The following TOX2 variants were observed in gnomAD, a reference collection of about 807,000 sequenced individuals.
The protein encoded by TOX2 is granulosa cell HMG box 1.
TOX2 carries 15 observed loss-of-function variants against 47.4 expected under a neutral mutation model. The ratio of observed to expected loss-of-function variants is 0.32; its 90% CI spans 0.21 to 0.49. TOX2 has a LOEUF of 0.49. TOX2 is among the 20% of genes least tolerant of loss of function. The pLI, the probability that TOX2 is intolerant of heterozygous loss-of-function variation, is 0.99. For missense variants in TOX2, 622 were observed against 673.1 expected, an observed-to-expected ratio of 0.92 and a Z score of 0.84; for synonymous variants, 290 against 296.6, an observed-to-expected ratio of 0.98 and a Z score of 0.23.
intron 3 of TOX2, among the ~76,000 whole-genome samples, chr20:44,049,702 C>G (rs1270814290): frequency 6.6e-6 from 1 of 152,168 alleles, no homozygotes; most frequent in East Asian, 1.9e-4. Context: ...TCTAAGCGTT[C>G]ACATTGTTCG....
chr20:44,026,250 G>GATATATATATATATATATAT (rs1358438826), intron 3 of TOX2, among the ~76,000 whole-genome samples: 1 of 82,952 alleles, frequency 1.2e-5, no homozygotes, highest in African/African-American at 5.4e-5. Context: ...TATATATATA[G>GATATATATATATATATATAT]ACACACACAC....
chr20:44,023,696 C>T (rs78210633), intron 3 of TOX2, among the ~76,000 whole-genome samples: 3 of 152,302 alleles, frequency 2.0e-5, no homozygotes, highest in East Asian at 1.9e-4. Flanking sequence ...CTCAGGGAGC[C>T]GAGGAGCTGC....
Position 44,066,011 on chromosome 20 carries a change from T to A in TOX2, c.1260T>A (p.Pro420=). 2 of 1,612,054 alleles carry A rather than the reference T, an allele frequency of 1.2e-6. No homozygotes were observed. The highest frequency in any genetic ancestry group is 1.7e-6 in the Non-Finnish European group (2 of 1,179,570). Residue 420 remains proline (P), a synonymous_variant, in exon 7 of 9, where the codon CCT becomes CCA. Transcript: ENST00000341197. The stretch of plus-strand genomic sequence containing the variant: ...CCCAGGGCGCCCTCCTCAGTCCACC[T>A]GTTAGCATGTCCCCAGCCCCCCAGC... ...PHAQGALLSP[P]VSMSPAPQPP...
intron 5 of TOX2, among the ~76,000 whole-genome samples, chr20:44,059,212 G>A (rs1173366304): frequency 6.6e-6 from 1 of 152,178 alleles, no homozygotes; most frequent in Non-Finnish European, 1.5e-5. Flanking sequence ...GACACACTTA[G>A]AGAAATGCAA....
chr20:43,958,351 A>T (rs2069701316), intron 1 of TOX2, among the ~76,000 whole-genome samples: 1 of 152,092 alleles, frequency 6.6e-6, no homozygotes, highest in Admixed American at 6.5e-5. Context: ...TTTCTCTCTC[A>T]CATTCTGTAC....
rs574862200 is a variant in TOX2, at chr20:44,069,019, G to A, written c.*333G>A. ...GCTCCAGCCCCAGCCCAGGTGGGCC[G>A]CCCCTGGCGGGGTCGCTTACCAACG... is the stretch of plus-strand genomic sequence containing the variant. On this transcript the variant is annotated 3_prime_UTR_variant, in exon 9 of 9. Coordinates refer to ENST00000341197, the MANE Select transcript of TOX2 (RefSeq NM_001098797.2). 1.4e-4 allele frequency: 63 copies of A among 455,318 alleles called. No individual in the cohort carries two copies. Among genetic ancestry groups the A allele is most frequent in the African/African-American group, 6.1e-4 (31 of 50,686 alleles). 28.2% of individuals were successfully genotyped at this position (455,318 alleles called of 1,614,324 possible).
Position 43,915,003 on chromosome 20 carries a change from G to C in TOX2, c.99+13G>C. 1 of 1,237,134 alleles carries C rather than the reference G, an allele frequency of 8.1e-7. No individual in the cohort carries two copies. Among genetic ancestry groups the C allele is most frequent in the Middle Eastern group, 3.2e-4 (1 of 3,088 alleles). The allele number at this position is 1,237,134 out of a possible 1,614,324, so 76.6% of individuals were successfully genotyped here. A position where few individuals can be genotyped will look rare whatever the true frequency, so the allele number is the denominator to read the frequency against. On this transcript the variant is annotated intron_variant, in intron 1 of 8. Coordinates refer to ENST00000341197, the MANE Select transcript of TOX2 (RefSeq NM_001098797.2). The surrounding 1 kb of genome is among the most constrained non-coding windows in gnomAD (Gnocchi z 7.1). ...CCACGGCGGCAAGGTAGGCGGGGGC[G>C]GGCGGGGGTCCCCGGCGGGCGGGGC...
intron 2 of TOX2, among the ~76,000 whole-genome samples, chr20:43,992,643 G>A (rs767792126): frequency 6.6e-5 from 10 of 152,108 alleles, no homozygotes; most frequent in Non-Finnish European, 2.9e-5. Flanking sequence ...AGCATGATGT[G>A]AAAGCCAGAA....
rs73282677 is a variant in TOX2, at chr20:44,009,510, G to A, written c.411+2718G>A. On this transcript the variant is annotated intron_variant, in intron 3 of 8. Transcript: ENST00000341197. ...TCCTCTTCTCTCTCTCAAACCTAGC[G>A]ATTCAGACTCACACTGCCATGTCTG... is the stretch of plus-strand genomic sequence containing the variant. Among the ~76,000 whole-genome samples the A allele has an allele frequency of 3.8e-3, 576 of 152,188 alleles. 2 individuals are homozygous for A. Among genetic ancestry groups the A allele is most frequent in the African/African-American group, 0.013 (543 of 41,514 alleles).
Position 43,932,783 on chromosome 20 carries a change from C to CGCCG in TOX2, c.99+17796_99+17797insGGCC, listed in dbSNP as rs1555830049. 4.7e-4 allele frequency among the ~76,000 whole-genome samples: 70 copies of CGCCG among 149,074 alleles called. 1 individual carries two copies. The highest frequency in any genetic ancestry group is 1.4e-3 in the African/African-American group (58 of 40,760). On this transcript the variant is annotated intron_variant, in intron 1 of 8. Coordinates refer to ENST00000341197, the MANE Select transcript of TOX2 (RefSeq NM_001098797.2). ...TTGGAGAGGGGTTGCTGCCCCCCCC[C>CGCCG]GCCATTTCTGACTGAGGGCAGGTCA...
At chr20:43,970,324 T>A (rs1376469963) in intron 1 of TOX2, among the ~76,000 whole-genome samples, 1 of 152,218 alleles carries the variant, frequency 6.6e-6, no homozygotes, top group Non-Finnish European at 1.5e-5. Context: ...ATGTAAAGCA[T>A]TTTGCTCAGT....
At chr20:43,990,628 C>T (rs748771107) in intron 2 of TOX2, among the ~76,000 whole-genome samples, 6 of 152,198 alleles carry the variant, frequency 3.9e-5, no homozygotes, top group Admixed American at 1.3e-4. Context: ...AGTGAGTTCA[C>T]TGTGGCTAGT....
intron 1 of TOX2, among the ~76,000 whole-genome samples, chr20:43,923,501 C>G (rs536116214): frequency 6.6e-6 from 1 of 152,328 alleles, no homozygotes; most frequent in East Asian, 1.9e-4. Flanking sequence ...AAAGTTAGCA[C>G]TACTAGCAAG....
chr20:43,954,330 G>A (rs2069631150), intron 1 of TOX2, among the ~76,000 whole-genome samples: 1 of 152,220 alleles, frequency 6.6e-6, no homozygotes, highest in African/African-American at 2.4e-5. Context: ...TCTACAGAGA[G>A]ACCCTGTCTC....
intron 1 of TOX2, among the ~76,000 whole-genome samples, chr20:43,921,642 G>A (rs903714856): frequency 6.6e-6 from 1 of 151,976 alleles, no homozygotes; most frequent in Non-Finnish European, 1.5e-5. Context: ...CAGCTGCCCC[G>A]CCATGTTCTT....
At chr20:44,047,326 C>T (rs1214362818) in intron 3 of TOX2, among the ~76,000 whole-genome samples, 1 of 152,176 alleles carries the variant, frequency 6.6e-6, no homozygotes, top group African/African-American at 2.4e-5. Context: ...AATTGCTCAT[C>T]TCAACTCCTG....
chr20:43,959,349 A>G (rs2069719268), intron 1 of TOX2, among the ~76,000 whole-genome samples: 1 of 152,230 alleles, frequency 6.6e-6, no homozygotes, highest in East Asian at 1.9e-4. Flanking sequence ...ACGTTGAGAC[A>G]GCGCTTAAAA....
At chr20:43,990,301 G>C (rs1442418457) in intron 2 of TOX2, among the ~76,000 whole-genome samples, 1 of 152,186 alleles carries the variant, frequency 6.6e-6, no homozygotes, top group East Asian at 1.9e-4. Context: ...AATTTTACTG[G>C]TAACTCCGTA....
intron 2 of TOX2, among the ~76,000 whole-genome samples, chr20:43,984,286 G>A (rs1045653520): frequency 2.0e-5 from 3 of 152,194 alleles, no homozygotes; most frequent in Non-Finnish European, 2.9e-5. Flanking sequence ...ACTGTTTCAA[G>A]ACCATAGATT....
Sources: gnomAD v4.1 joint callset for allele counts (sites outside exome capture counted in the v4.1 genomes callset) on GRCh38, gnomAD v4.1.1 for gene constraint, Gnocchi (gnomAD v3.1) non-coding constraint, MANE v1.5 for transcripts, NCBI Gene and HGNC (gene_info 2026-07-23, HGNC 2026-07-21) for gene names.